TCF12: variants seen among roughly 807,000 people sequenced by gnomAD.
The protein encoded by TCF12 is DNA-binding protein HTF4.
In TCF12, 45 loss-of-function variants were observed where a neutral mutation model predicts 86.0. The ratio of observed to expected loss-of-function variants is 0.52; its 90% CI spans 0.41 to 0.67. The LOEUF is 0.67. Among genes scored for constraint, TCF12 ranks in the 30% least tolerant of loss-of-function variants. The pLI is 0.00. For missense variants in TCF12, 881 were observed against 859.9 expected (o/e 1.02, Z -0.31); for synonymous variants, 330 against 299.6 (o/e 1.10, Z -1.05).
chr15:57,239,320 C>T (rs2059509030), intron 12 of TCF12, among the ~76,000 whole-genome samples: 1 of 151,922 alleles, frequency 6.6e-6, no homozygotes, highest in Non-Finnish European at 1.5e-5. Context: ...CACTGCACTC[C>T]AGCCTAGGCA....
At chr15:57,111,217 A>G (rs551517160) in intron 5 of TCF12, among the ~76,000 whole-genome samples, 130 of 151,916 alleles carry the variant, frequency 8.6e-4, no homozygotes, top group Non-Finnish European at 1.6e-3. Flanking sequence ...GTGTTATTTC[A>G]CCCTGGACGG....
At chr15:57,218,592 G>C (rs2058433339) in intron 8 of TCF12, among the ~76,000 whole-genome samples, 1 of 151,994 alleles carries the variant, frequency 6.6e-6, no homozygotes, top group Admixed American at 6.5e-5. Context: ...TAAACTTAGA[G>C]GAAAGACTTA....
rs1025539152 is a variant in TCF12 at position 57,122,695 on chromosome 15, C to T, written c.325+30804C>T. Among the ~76,000 whole-genome samples the T allele has an allele frequency of 2.6e-5, 4 of 152,218 alleles. No individual in the cohort carries two copies. In the East Asian group the frequency reaches 5.8e-4, roughly 22 times the overall value. On this transcript the variant is annotated intron_variant, in intron 5 of 20. Transcript: ENST00000333725. ...GCCAATTCATCCCATCATTTTATTT[C>T]CTGGTTTTGTTTTTGTTAGGACCTT... is the stretch of plus-strand genomic sequence containing the variant.
chr15:56,933,677 C>G (rs982977175), intron 3 of TCF12, among the ~76,000 whole-genome samples: 1 of 152,010 alleles, frequency 6.6e-6, no homozygotes, highest in Non-Finnish European at 1.5e-5. Flanking sequence ...TATGGAAATT[C>G]TAAAATGTGG....
chr15:57,024,000 G>A (rs1482155709), intron 3 of TCF12, among the ~76,000 whole-genome samples: 1 of 152,118 alleles, frequency 6.6e-6, no homozygotes, highest in Non-Finnish European at 1.5e-5. Context: ...AGGAGGTGGA[G>A]CTCAGGCCTT....
chr15:57,115,583 C>A (rs1180973911), intron 5 of TCF12, among the ~76,000 whole-genome samples: 1 of 152,176 alleles, frequency 6.6e-6, no homozygotes, highest in African/African-American at 2.4e-5. Context: ...AAAGGTCATA[C>A]TGTCTATTTT....
intron 8 of TCF12, among the ~76,000 whole-genome samples, chr15:57,217,463 A>T (rs2058378511): frequency 6.6e-6 from 1 of 152,114 alleles, no homozygotes; most frequent in Admixed American, 6.5e-5. Context: ...TTACATTATG[A>T]TGTTTGTTTT....
At chr15:57,127,152 T>G (rs2051721116) in intron 5 of TCF12, among the ~76,000 whole-genome samples, 1 of 151,860 alleles carries the variant, frequency 6.6e-6, no homozygotes, top group Non-Finnish European at 1.5e-5. Flanking sequence ...CTGGCTAATT[T>G]TTGTATGTTT....
intron 12 of TCF12, 125 bp from the exon 13 acceptor site, chr15:57,243,347 G>C: frequency 1.4e-6 from 1 of 727,050 alleles, no homozygotes; most frequent in East Asian, 2.7e-5. Flanking sequence ...AACTTGACAA[G>C]AAATTTTTTC....
chr15:56,934,010 A>G (rs1462556909), intron 3 of TCF12, among the ~76,000 whole-genome samples: 1 of 152,158 alleles, frequency 6.6e-6, no homozygotes, highest in Admixed American at 6.5e-5. Flanking sequence ...TAAATTCATC[A>G]GAATCTCAGA....
intron 5 of TCF12, among the ~76,000 whole-genome samples, chr15:57,157,275 G>T (rs1419628741): frequency 6.9e-5 from 10 of 145,884 alleles, no homozygotes; most frequent in South Asian, 2.2e-4. Context: ...TTCATGATGG[G>T]TTTTTTTTTT....
At chr15:57,015,915 G>T (rs1290290022) in intron 3 of TCF12, among the ~76,000 whole-genome samples, 7 of 152,064 alleles carry the variant, frequency 4.6e-5, no homozygotes, top group Non-Finnish European at 1.0e-4. Context: ...ACATTAATTT[G>T]CCCCCTTACC....
chr15:57,090,991 C>G (rs1048712669), intron 4 of TCF12, among the ~76,000 whole-genome samples: 27 of 152,042 alleles, frequency 1.8e-4, no homozygotes, highest in Admixed American at 3.9e-4. Context: ...TCTTTTTTCC[C>G]CTTTGCTTTA....
intron 8 of TCF12, among the ~76,000 whole-genome samples, chr15:57,227,337 G>C (rs950595087): frequency 6.6e-6 from 1 of 152,128 alleles, no homozygotes; most frequent in African/African-American, 2.4e-5. Context: ...ACAGTGCACA[G>C]CTCCAGCCTC....
intron 3 of TCF12, among the ~76,000 whole-genome samples, chr15:56,999,204 A>T (rs2141031577): frequency 6.6e-6 from 1 of 152,118 alleles, no homozygotes; most frequent in Non-Finnish European, 1.5e-5. Flanking sequence ...TCTCAAAAAA[A>T]AAAAAGGGAG....
chr15:57,047,372 T>C (rs1208493438), intron 3 of TCF12, among the ~76,000 whole-genome samples: 2 of 152,228 alleles, frequency 1.3e-5, no homozygotes, highest in Admixed American at 1.3e-4. Context: ...TAAGTTACTG[T>C]CTTCTATTGC....
intron 3 of TCF12, among the ~76,000 whole-genome samples, chr15:57,056,882 T>G (rs1220038154): frequency 1.3e-5 from 2 of 152,136 alleles, no homozygotes; most frequent in African/African-American, 4.8e-5. Context: ...TTAATGTCCT[T>G]GTCTGAAAAT....
chr15:57,189,510 G>A (rs972195921), intron 6 of TCF12, among the ~76,000 whole-genome samples: 2 of 152,244 alleles, frequency 1.3e-5, no homozygotes, highest in South Asian at 2.1e-4. Context: ...AGTCATTAGG[G>A]TTATGCGAAT....
At chr15:57,110,818 A>G (rs1230123723) in intron 5 of TCF12, among the ~76,000 whole-genome samples, 1 of 152,198 alleles carries the variant, frequency 6.6e-6, no homozygotes, top group Non-Finnish European at 1.5e-5. Context: ...TAGAATGCCA[A>G]CTGATGTTAA....
Sources: gnomAD v4.1 joint callset for allele counts (sites outside exome capture counted in the v4.1 genomes callset) on GRCh38, gnomAD v4.1.1 for gene constraint, MANE v1.5 for transcripts, NCBI Gene and HGNC (gene_info 2026-07-23, HGNC 2026-07-21) for gene names.